Variants in TBC1D19 observed in about 807,000 individuals in gnomAD.
TBC1D19 encodes TBC1 domain family, member 19.
Under a neutral mutation model 89.0 loss-of-function variants are expected in TBC1D19, and 60 were observed. The observed-to-expected ratio is 0.67, with a 90% CI of 0.55 to 0.84. TBC1D19 has a LOEUF of 0.84. Ranked by LOEUF, TBC1D19 falls within the 40% of genes least tolerant of loss-of-function variation. The pLI is 0.00. For synonymous variants in TBC1D19, 189 were observed against 199.7 expected (o/e 0.95, Z 0.45); for missense variants, 500 against 610.8 (o/e 0.82, Z 1.91).
chr4:26,706,132 G>C (rs982113093), intron 13 of TBC1D19, among the ~76,000 whole-genome samples: 1 of 152,150 alleles, frequency 6.6e-6, no homozygotes. Flanking sequence ...TAAATGTTTA[G>C]TAGAATTAAC....
At chr4:26,647,078 C>G (rs1744021556) in intron 7 of TBC1D19, among the ~76,000 whole-genome samples, 1 of 151,968 alleles carries the variant, frequency 6.6e-6, no homozygotes, top group African/African-American at 2.4e-5. Flanking sequence ...TGAACTAAGA[C>G]AACAACACTG....
chr4:26,816,202 G>T, the TBC1D19 span, among the ~76,000 whole-genome samples: 51 of 151,690 alleles, frequency 3.4e-4, no homozygotes, highest in Non-Finnish European at 7.5e-4. Context: ...ACAGGCTTTG[G>T]GCTAGATTTT....
Position 26,637,297 on chromosome 4 carries a change from C to T in TBC1D19, c.369+12C>T. 6.3e-7 allele frequency: 1 copy of T among 1,599,282 alleles called. No homozygotes were observed. The highest frequency in any genetic ancestry group is 8.5e-7 in the Non-Finnish European group (1 of 1,169,676). On this transcript the variant is annotated intron_variant, in intron 5 of 20. Coordinates refer to ENST00000264866, the MANE Select transcript of TBC1D19 (RefSeq NM_018317.4). ...CACTGGCACGAAAGGTACTTTTAAA[C>T]ATTTTTCTGTTTAAGTATTTCATTG... is the stretch of plus-strand genomic sequence containing the variant.
At chr4:26,672,947 A>AT (rs949932791) in intron 10 of TBC1D19, among the ~76,000 whole-genome samples, 6 of 151,788 alleles carry the variant, frequency 4.0e-5, no homozygotes, top group East Asian at 1.9e-4. Context: ...TTAATATAAG[A>AT]TTTTTTTTAA....
At chr4:26,602,688 C>T (rs1740713565) in intron 1 of TBC1D19, among the ~76,000 whole-genome samples, 1 of 151,978 alleles carries the variant, frequency 6.6e-6, no homozygotes, top group South Asian at 2.1e-4. Flanking sequence ...GATCCACCCT[C>T]CTTGGCCTCC....
Position 26,672,181 on chromosome 4 carries a change from CA to C in TBC1D19, c.702del (p.Val235PhefsTer2). ...TGAAAATGAACATGTACGTATTGGG[CA>C]AAAAGGTAAGCTTTTAATTATAAAT... ...LFENEHVRIG[Q>X]KVLAEQDSAA... On this transcript the variant is annotated frameshift_variant, in exon 10 of 21. Coordinates refer to ENST00000264866, the MANE Select transcript of TBC1D19 (RefSeq NM_018317.4). LOFTEE classifies it high-confidence loss of function. 1.5e-6 allele frequency: 2 copies of C among 1,309,942 alleles called. No individual in the cohort carries two copies. Among genetic ancestry groups the C allele is most frequent in the Non-Finnish European group, 2.0e-6 (2 of 992,900 alleles). The allele number at this position is 1,309,942 out of a possible 1,614,324, so 81.1% of individuals were successfully genotyped here.
At chr4:26,610,718 C>T (rs1741326025) in intron 1 of TBC1D19, among the ~76,000 whole-genome samples, 1 of 151,916 alleles carries the variant, frequency 6.6e-6, no homozygotes, top group Non-Finnish European at 1.5e-5. Context: ...TTTTCTGTCC[C>T]TGCTGTTAGT....
chr4:26,757,065 G>A (rs2076485295), downstream of TBC1D19, among the ~76,000 whole-genome samples: 1 of 151,722 alleles, frequency 6.6e-6, no homozygotes, highest in African/African-American at 2.4e-5. Context: ...CCAGGCTGGA[G>A]TGCAGTGATG....
chr4:26,794,073 T>C, the TBC1D19 span, among the ~76,000 whole-genome samples: 1 of 152,078 alleles, frequency 6.6e-6, no homozygotes, highest in Non-Finnish European at 1.5e-5. Flanking sequence ...GAGAACATGT[T>C]CCCAAAAGGA....
intron 19 of TBC1D19, among the ~76,000 whole-genome samples, chr4:26,749,068 AG>A (rs1405810746): frequency 6.6e-6 from 1 of 152,158 alleles, no homozygotes; most frequent in Non-Finnish European, 1.5e-5. Context: ...TTATTCTCTC[AG>A]GCCAAAAACT....
intron 13 of TBC1D19, among the ~76,000 whole-genome samples, chr4:26,713,583 A>G (rs1264425586): frequency 6.6e-6 from 1 of 152,116 alleles, no homozygotes; most frequent in East Asian, 1.9e-4. Flanking sequence ...TTAAAAATTC[A>G]AGGGATTGGA....
chr4:26,781,284 G>A, the TBC1D19 span, among the ~76,000 whole-genome samples: 4 of 152,236 alleles, frequency 2.6e-5, no homozygotes, highest in South Asian at 2.1e-4. Context: ...GGTTGAATTG[G>A]GGTTCTCTAG....
the TBC1D19 span, among the ~76,000 whole-genome samples, chr4:26,805,841 C>G: frequency 6.6e-6 from 1 of 152,138 alleles, no homozygotes; most frequent in Admixed American, 6.5e-5. Flanking sequence ...ACTAAAAATA[C>G]AAAAATTAAA....
intron 13 of TBC1D19, among the ~76,000 whole-genome samples, chr4:26,697,362 A>C (rs990423551): frequency 1.3e-5 from 2 of 152,210 alleles, no homozygotes; most frequent in Non-Finnish European, 2.9e-5. Context: ...GAATTGAGGC[A>C]ATAAGTAATG....
intron 7 of TBC1D19, among the ~76,000 whole-genome samples, chr4:26,645,856 G>T (rs1743886352): frequency 6.6e-6 from 1 of 151,944 alleles, no homozygotes; most frequent in African/African-American, 2.4e-5. Flanking sequence ...GGGCGCGGTG[G>T]CTCACGCCTG....
chr4:26,733,460 G>GACACAC (rs58852557), intron 15 of TBC1D19, among the ~76,000 whole-genome samples: 1 of 149,646 alleles, frequency 6.7e-6, no homozygotes, highest in African/African-American at 2.5e-5. Flanking sequence ...CATATGCAAA[G>GACACAC]ACACACACAC....
At chr4:26,852,019 T>C in the TBC1D19 span, among the ~76,000 whole-genome samples, 1 of 152,064 alleles carries the variant, frequency 6.6e-6, no homozygotes, top group Non-Finnish European at 1.5e-5. Context: ...CTTGGGCTTT[T>C]CCTCTGAATT....
chr4:26,811,506 A>G, the TBC1D19 span, among the ~76,000 whole-genome samples: 1 of 151,884 alleles, frequency 6.6e-6, no homozygotes, highest in Non-Finnish European at 1.5e-5. Context: ...AGAGTAGTCC[A>G]GAGATAGTGT....
intron 4 of TBC1D19, among the ~76,000 whole-genome samples, chr4:26,622,023 T>G (rs1742082518): frequency 6.6e-6 from 1 of 151,606 alleles, no homozygotes. Context: ...ATGTTCTCAC[T>G]GATAGGTGGG....
Sources: gnomAD v4.1 joint callset for allele counts (sites outside exome capture counted in the v4.1 genomes callset) on GRCh38, gnomAD v4.1.1 for gene constraint, MANE v1.5 for transcripts, NCBI Gene and HGNC (gene_info 2026-07-23, HGNC 2026-07-21) for gene names.